FKBP5: variants seen among roughly 807,000 people sequenced by gnomAD.
FKBP5 encodes the protein peptidyl-prolyl cis-trans isomerase FKBP5.
FKBP5 carries 23 observed loss-of-function variants against 50.5 expected under a neutral mutation model. The ratio of observed to expected loss-of-function variants is 0.46; its 90% confidence interval spans 0.33 to 0.65. The LOEUF (loss-of-function observed/expected upper bound fraction) is 0.65. Among genes scored for constraint, FKBP5 ranks in the 30% least tolerant of loss-of-function variants. FKBP5 has a pLI of 0.02. For synonymous variants in FKBP5, 176 were observed against 190.6 expected (o/e 0.92, Z 0.63); for missense variants, 411 against 553.1 (o/e 0.74, Z 2.58).
chr6:35,709,119 G>A (rs1036847048), intron 2 of FKBP5, among the ~76,000 whole-genome samples: 1 of 152,204 alleles, frequency 6.6e-6, no homozygotes, highest in Admixed American at 6.5e-5. Flanking sequence ...TGGACTTACA[G>A]TTCTGCATAG....
At chr6:35,722,995 AG>A (rs1350907989) in intron 1 of FKBP5, among the ~76,000 whole-genome samples, 3 of 152,202 alleles carry the variant, frequency 2.0e-5, no homozygotes, top group African/African-American at 7.2e-5. Flanking sequence ...GCACTTTGGG[AG>A]GCCAAGGCGG....
At chr6:35,664,740 T>C (rs1018633545) in intron 1 of FKBP5, 1 of 154,298 alleles carries the variant, frequency 6.5e-6, no homozygotes, top group Middle Eastern at 5.2e-4. Flanking sequence ...CTATTACCTC[T>C]ATTAGTATAA....
intron 1 of FKBP5, among the ~76,000 whole-genome samples, chr6:35,649,230 G>A (rs1329240331): frequency 3.7e-5 from 5 of 134,648 alleles, no homozygotes; most frequent in Admixed American, 8.3e-5. Flanking sequence ...CAGCCTGGGC[G>A]ACAGAGCAAG....
rs1299429306 is a variant in FKBP5, at chr6:35,687,406, A to AT, written c.-20+1397dup. Among the ~76,000 whole-genome samples, 6 of 152,112 alleles carry AT rather than the reference A, an allele frequency of 3.9e-5. No homozygotes were observed. The East Asian group carries it at 1.2e-3, about 29-fold the overall frequency. On this transcript the variant is annotated intron_variant, in intron 1 of 10. Coordinates refer to ENST00000357266, the MANE Select transcript of FKBP5 (RefSeq NM_004117.4). Reference sequence around the variant, plus strand: ...ATAAAAATTTCCCACCAGAATAAGAATTTTTTTCAAGTCGATTCTTGGCTT... The same window carrying AT: ...ATAAAAATTTCCCACCAGAATAAGAATTTTTTTTCAAGTCGATTCTTGGCTT...
intron 1 of FKBP5, among the ~76,000 whole-genome samples, chr6:35,682,504 C>G (rs1182197212): frequency 6.6e-6 from 1 of 152,092 alleles, no homozygotes; most frequent in East Asian, 1.9e-4. Context: ...AAAGATCAAT[C>G]TGAAATTTGC....
intron 1 of FKBP5, among the ~76,000 whole-genome samples, chr6:35,653,294 T>A (rs1764862587): frequency 6.6e-6 from 1 of 152,154 alleles, no homozygotes; most frequent in African/African-American, 2.4e-5. Flanking sequence ...AGTTGGAGGC[T>A]GCACTGAGCT....
intron 8 of FKBP5, chr6:35,584,033 T>TA: frequency 1.0e-6 from 1 of 985,416 alleles, no homozygotes; most frequent in Non-Finnish European, 1.2e-6. Context: ...TCAGTGTTCT[T>TA]AGCCTTCTTG....
intron 5 of FKBP5, among the ~76,000 whole-genome samples, chr6:35,606,659 C>CAAAAAAAAAAAAAAAA (rs61139697): frequency 4.0e-5 from 1 of 25,122 alleles, no homozygotes; most frequent in Non-Finnish European, 7.0e-5. Context: ...GACTCCGTCT[C>CAAAAAAAAAAAAAAAA]AAAAAAAAAA....
chr6:35,703,121 G>A (rs1279382210), intron 2 of FKBP5, among the ~76,000 whole-genome samples: 1 of 152,006 alleles, frequency 6.6e-6, no homozygotes, highest in Admixed American at 6.6e-5. Flanking sequence ...GTGATGGCAG[G>A]CACCTGTAAT....
At chr6:35,602,693 C>T (rs1269186674) in intron 5 of FKBP5, among the ~76,000 whole-genome samples, 1 of 151,944 alleles carries the variant, frequency 6.6e-6, no homozygotes, top group African/African-American at 2.4e-5. Context: ...TCAGATTTCC[C>T]CTAAGCTGTC....
At position 35,587,080 on chromosome 6, in the gene FKBP5, A is replaced by C. The variant is rs1581788274; in HGVS notation, c.794T>G (p.Leu265Trp). ...ESWEMDTKEK[L>W]EQAAIVKEKG... ...CTCTTTGACAATGGCAGCCTGCTCC[A>C]ATTTTTCTTTGGTATCCATCTCCCA... The change falls in exon 8 of 11, where the codon TTG (leucine) becomes TGG (tryptophan). Residue 265 changes from leucine (L) to tryptophan (W), a missense_variant. Leu to Trp is a moderately conservative substitution (Grantham distance 61, BLOSUM62 -2). This residue lies in a region of FKBP5 where 267 missense variants were observed against 405.9 expected (regional missense o/e 0.66). Coordinates refer to ENST00000357266, the MANE Select transcript of FKBP5 (RefSeq NM_004117.4). 3.1e-6 allele frequency: 5 copies of C among 1,614,102 alleles called. No homozygotes were observed. In the East Asian group the frequency reaches 6.7e-5, roughly 22 times the overall value.
intron 5 of FKBP5, among the ~76,000 whole-genome samples, chr6:35,615,562 A>G (rs568088060): frequency 1.3e-5 from 2 of 152,384 alleles, no homozygotes; most frequent in South Asian, 4.1e-4. Flanking sequence ...ATAGTAATGA[A>G]TAATAACTTA....
intron 1 of FKBP5, among the ~76,000 whole-genome samples, chr6:35,652,896 C>A (rs112537536): frequency 1.6e-4 from 24 of 152,112 alleles, no homozygotes. Context: ...CTCCCCCGGA[C>A]GCCCAGCTTT....
intron 1 of FKBP5, among the ~76,000 whole-genome samples, chr6:35,667,525 T>A (rs1462657222): frequency 2.0e-5 from 3 of 152,212 alleles, no homozygotes; most frequent in Admixed American, 6.5e-5. Flanking sequence ...TTTAAAGTTA[T>A]TAGAAGCATA....
chr6:35,683,582 C>A (rs576441683), intron 1 of FKBP5, among the ~76,000 whole-genome samples: 1 of 150,966 alleles, frequency 6.6e-6, no homozygotes, highest in Admixed American at 6.6e-5. Flanking sequence ...TTGCTTGCCT[C>A]AGCCTCTTGA....
intron 9 of FKBP5, among the ~76,000 whole-genome samples, chr6:35,579,185 G>A (rs1338113381): frequency 4.6e-5 from 7 of 151,142 alleles, no homozygotes; most frequent in South Asian, 2.1e-4. Flanking sequence ...CTCTCTCTCC[G>A]CTCTGTATGA....
intron 2 of FKBP5, among the ~76,000 whole-genome samples, chr6:35,703,536 T>G (rs1378428639): frequency 6.6e-6 from 1 of 152,234 alleles, no homozygotes; most frequent in Non-Finnish European, 1.5e-5. Flanking sequence ...ATGTACCCCA[T>G]AAATATGTAC....
intron 5 of FKBP5, among the ~76,000 whole-genome samples, chr6:35,608,413 CT>C (rs984768789): frequency 7.9e-5 from 12 of 152,110 alleles, no homozygotes; most frequent in African/African-American, 2.9e-4. Context: ...ATTAAGGCAG[CT>C]GGTTGTGGTA....
chr6:35,667,741 C>A (rs7752084), intron 1 of FKBP5, among the ~76,000 whole-genome samples: 6,315 of 152,178 alleles, frequency 0.041, 166 homozygotes, highest in African/African-American at 0.076. Flanking sequence ...ATCAGCCAGG[C>A]GTGGTGGCGG....
Sources: gnomAD v4.1 joint callset for allele counts (sites outside exome capture counted in the v4.1 genomes callset) on GRCh38, gnomAD v4.1.1 for gene constraint, gnomAD v4.1.1 regional missense constraint, MANE v1.5 for transcripts, NCBI Gene and HGNC (gene_info 2026-07-23, HGNC 2026-07-21) for gene names.